The following POFUT3 variants were observed in gnomAD, a reference collection of about 807,000 sequenced individuals.
POFUT3 encodes protein O-fucosyltransferase 3.
chr8:33,437,276 C>T, the POFUT3 span, among the ~76,000 whole-genome samples: 1 of 152,054 alleles, frequency 6.6e-6, no homozygotes, highest in African/African-American at 2.4e-5. Context: ...TCCCTTCCCC[C>T]TCACTCTTGC....
chr8:33,461,450 C>G, the POFUT3 span: 9 of 1,613,522 alleles, frequency 5.6e-6, no homozygotes, highest in African/African-American at 2.7e-5. Flanking sequence ...GAATCCGCAC[C>G]ATGCTGCCCT....
chr8:33,372,358 C>T, the POFUT3 span: 1 of 1,321,942 alleles, frequency 7.6e-7, no homozygotes, highest in South Asian at 1.9e-5. Flanking sequence ...AACCAGTGTC[C>T]ATAAGAAATA....
the POFUT3 span, among the ~76,000 whole-genome samples, chr8:33,353,344 ACAGT>A: frequency 2.0e-5 from 3 of 152,312 alleles, no homozygotes; most frequent in South Asian, 2.1e-4. Flanking sequence ...AATGTTGGAA[ACAGT>A]CAGTTTGGCT....
chr8:33,415,650 AAAGGGTAGAGAG>A, the POFUT3 span, among the ~76,000 whole-genome samples: 1 of 152,042 alleles, frequency 6.6e-6, no homozygotes, highest in Non-Finnish European at 1.5e-5. Context: ...CCAGCATAAT[AAAGGGTAGAGAG>A]AGATCCTGAA....
the POFUT3 span, among the ~76,000 whole-genome samples, chr8:33,360,224 C>T: frequency 2.0e-5 from 3 of 152,112 alleles, no homozygotes; most frequent in East Asian, 3.9e-4. Flanking sequence ...GCAGGCGGAT[C>T]GTGAGGTCAG....
At chr8:33,309,199 T>TATATATATATATATATATATATATACAC in the POFUT3 span, among the ~76,000 whole-genome samples, 1 of 89,882 alleles carries the variant, frequency 1.1e-5, no homozygotes, top group African/African-American at 4.7e-5. Flanking sequence ...TATATATATA[T>TATATATATATATATATATATATATACAC]ACACACACAT....
the POFUT3 span, among the ~76,000 whole-genome samples, chr8:33,405,391 G>GT: frequency 6.6e-6 from 1 of 151,994 alleles, no homozygotes; most frequent in Middle Eastern, 3.2e-3. Context: ...AAGTATGGCA[G>GT]TTTTAATTAC....
chr8:33,402,902 T>G, the POFUT3 span, among the ~76,000 whole-genome samples: 1 of 151,662 alleles, frequency 6.6e-6, no homozygotes, highest in Non-Finnish European at 1.5e-5. Flanking sequence ...TATAAACAAT[T>G]TTTTAAAAAT....
chr8:33,393,759 G>A, the POFUT3 span, among the ~76,000 whole-genome samples: 1 of 152,208 alleles, frequency 6.6e-6, no homozygotes, highest in African/African-American at 2.4e-5. Context: ...TTGATTCCAT[G>A]GAATGACATT....
the POFUT3 span, among the ~76,000 whole-genome samples, chr8:33,465,527 A>G: frequency 1.2e-4 from 18 of 152,104 alleles, no homozygotes; most frequent in South Asian, 3.3e-3. Flanking sequence ...CAGTGGCGCA[A>G]TCTCGGCTCA....
chr8:33,436,508 T>C, the POFUT3 span: 3 of 1,214,400 alleles, frequency 2.5e-6, no homozygotes, highest in African/African-American at 1.5e-5. Flanking sequence ...TCCACACTGA[T>C]GTTTACCCCA....
At chr8:33,413,119 A>G in the POFUT3 span, among the ~76,000 whole-genome samples, 2 of 152,122 alleles carry the variant, frequency 1.3e-5, no homozygotes, top group Non-Finnish European at 2.9e-5. Flanking sequence ...CCTTTCACAT[A>G]TATTTATTTT....
At chr8:33,461,753 T>C in the POFUT3 span, 4 of 939,518 alleles carry the variant, frequency 4.3e-6, no homozygotes, top group Non-Finnish European at 5.9e-6. Context: ...CTTTTAGCCA[T>C]AGCGCAGATT....
chr8:33,460,727 C>T, the POFUT3 span: 29 of 985,288 alleles, frequency 2.9e-5, no homozygotes, highest in Non-Finnish European at 3.5e-5. Flanking sequence ...ATTTCAATGA[C>T]TTTGTTTCTG....
the POFUT3 span, among the ~76,000 whole-genome samples, chr8:33,470,236 C>CAAAAAAA: frequency 8.1e-4 from 72 of 89,048 alleles, no homozygotes; most frequent in African/African-American, 1.3e-3. Flanking sequence ...CCCATCTCTA[C>CAAAAAAA]AAAAAAAAAA....
the POFUT3 span, among the ~76,000 whole-genome samples, chr8:33,470,310 T>A: frequency 6.8e-6 from 1 of 147,714 alleles, no homozygotes; most frequent in Non-Finnish European, 1.5e-5. Flanking sequence ...TAGTCCCAGC[T>A]ACCAGGAGGC....
the POFUT3 span, among the ~76,000 whole-genome samples, chr8:33,438,389 G>A: frequency 3.2e-4 from 49 of 152,270 alleles, no homozygotes; most frequent in Non-Finnish European, 5.3e-4. Flanking sequence ...ACCAACCTGG[G>A]CAACATAGGG....
chr8:33,402,079 A>C, the POFUT3 span, among the ~76,000 whole-genome samples: 1 of 152,146 alleles, frequency 6.6e-6, no homozygotes, highest in Admixed American at 6.6e-5. Context: ...TTTCTAAGTT[A>C]GGTGCATTAT....
chr8:33,328,251 G>T, the POFUT3 span, among the ~76,000 whole-genome samples: 1 of 152,066 alleles, frequency 6.6e-6, no homozygotes, highest in Non-Finnish European at 1.5e-5. Flanking sequence ...GTCAATAAAA[G>T]ATTTTCTATG....
Sources: gnomAD v4.1 joint callset for allele counts (sites outside exome capture counted in the v4.1 genomes callset) on GRCh38, gnomAD v4.1.1 for gene constraint, MANE v1.5 for transcripts, NCBI Gene and HGNC (gene_info 2026-07-23, HGNC 2026-07-21) for gene names.